ACCSL: variants seen among roughly 807,000 people sequenced by gnomAD.
ACCSL encodes 1-aminocyclopropane-1-carboxylate synthase homolog (inactive) like.
ACCSL carries 55 observed loss-of-function variants against 61.7 expected under a neutral mutation model. The ratio of observed to expected loss-of-function variants is 0.89; its 90% confidence interval spans 0.72 to 1.12. The LOEUF (loss-of-function observed/expected upper bound fraction) is 1.12. ACCSL is among the 50% of genes most tolerant of loss of function. The probability of loss-of-function intolerance (pLI) is 0.00; values close to 1 mark genes in which losing one functional copy is unlikely to be tolerated. For missense variants in ACCSL, 632 were observed against 698.0 expected, an observed-to-expected ratio of 0.91 and a Z score of 1.07; for synonymous variants, 258 against 264.3, an observed-to-expected ratio of 0.98 and a Z score of 0.23.
In ACCSL at chr11:44,048,289, G is replaced by C; in HGVS notation, c.253G>C (p.Gly85Arg). 6.2e-7 allele frequency: 1 copy of C among 1,614,100 alleles called. No individual in the cohort carries two copies. The highest frequency in any genetic ancestry group is 1.6e-4 in the Middle Eastern group (1 of 6,062). ...ICRMINLLQS[G>R]AASGLELQVP... The stretch of plus-strand genomic sequence containing the variant: ...CCGGATGATCAACCTCCTACAGTCT[G>C]GGGCCGCGAGTGGCCTGGAGCTCCA... The change falls in exon 1 of 14, where the codon GGG (glycine) becomes CGG (arginine). Residue 85 changes from glycine (G) to arginine (R), a missense_variant. By Grantham distance (125) the Gly-to-Arg change is moderately radical. Transcript: ENST00000378832.
At chr11:43,974,006 A>G in the ACCSL span, 1 of 152,268 alleles carries the variant, frequency 6.6e-6, no homozygotes, top group Admixed American at 6.5e-5. Context: ...TGATAGACAG[A>G]GAGCAAAGGC....
chr11:43,932,414 C>G, the ACCSL span, among the ~76,000 whole-genome samples: 1 of 152,170 alleles, frequency 6.6e-6, no homozygotes, highest in African/African-American at 2.4e-5. Context: ...ACCACAGATG[C>G]GCACCAACAT....
chr11:43,942,813 C>T, the ACCSL span: 18 of 948,748 alleles, frequency 1.9e-5, no homozygotes, highest in Non-Finnish European at 2.2e-5. Flanking sequence ...GGCGAGCCCC[C>T]GGCTGCTGCC....
At chr11:44,018,938 A>G in the ACCSL span, among the ~76,000 whole-genome samples, 7 of 152,236 alleles carry the variant, frequency 4.6e-5, no homozygotes, top group Non-Finnish European at 5.9e-5. Context: ...AAGAAATTTG[A>G]TACCCATTAA....
chr11:43,999,800 A>G, the ACCSL span, among the ~76,000 whole-genome samples: 1 of 152,198 alleles, frequency 6.6e-6, no homozygotes, highest in African/African-American at 2.4e-5. Flanking sequence ...TGTAGTAGGT[A>G]TAATCTGCTC....
chr11:43,933,129 T>C, the ACCSL span: 1 of 456,154 alleles, frequency 2.2e-6, no homozygotes, highest in Admixed American at 2.3e-5. Context: ...GACTTATACT[T>C]TAACCTTGGA....
the ACCSL span, among the ~76,000 whole-genome samples, chr11:43,986,487 C>T: frequency 2.6e-5 from 4 of 152,174 alleles, no homozygotes; most frequent in Non-Finnish European, 5.9e-5. Flanking sequence ...ACAGACCTCT[C>T]CCGGGGCCTC....
chr11:44,027,435 A>G, the ACCSL span, among the ~76,000 whole-genome samples: 1 of 152,032 alleles, frequency 6.6e-6, no homozygotes, highest in South Asian at 2.1e-4. Flanking sequence ...GCTTTCTTAT[A>G]TGTAAAGTAA....
the ACCSL span, among the ~76,000 whole-genome samples, chr11:44,001,724 C>T: frequency 6.8e-6 from 1 of 147,418 alleles, no homozygotes; most frequent in Non-Finnish European, 1.5e-5. Flanking sequence ...CCAGCCTTTG[C>T]CTGGGGTTCA....
the ACCSL span, among the ~76,000 whole-genome samples, chr11:44,040,092 C>T: frequency 1.3e-5 from 2 of 152,244 alleles, no homozygotes; most frequent in Non-Finnish European, 2.9e-5. Flanking sequence ...TCTCCTGGGT[C>T]TCCTTCCTGA....
chr11:43,939,979 T>G, the ACCSL span, among the ~76,000 whole-genome samples: 1 of 152,126 alleles, frequency 6.6e-6, no homozygotes, highest in East Asian at 1.9e-4. Flanking sequence ...CAGTTCTGTC[T>G]TCAGGGAAAT....
chr11:44,029,748 C>G, the ACCSL span, among the ~76,000 whole-genome samples: 1 of 152,228 alleles, frequency 6.6e-6, no homozygotes, highest in South Asian at 2.1e-4. Context: ...TGCTTACATC[C>G]TTGCCTGATT....
At chr11:43,979,582 GTC>G in the ACCSL span, among the ~76,000 whole-genome samples, 4 of 152,116 alleles carry the variant, frequency 2.6e-5, no homozygotes, top group African/African-American at 9.7e-5. Flanking sequence ...TGAATAGTAA[GTC>G]TCTGTCGTGG....
the ACCSL span, among the ~76,000 whole-genome samples, chr11:43,982,585 GC>G: frequency 1.3e-5 from 2 of 151,966 alleles, no homozygotes; most frequent in East Asian, 3.9e-4. Flanking sequence ...TGTGTGAACC[GC>G]CCGCATGGGG....
At chr11:44,054,937 C>A (rs182915578) in intron 8 of ACCSL, among the ~76,000 whole-genome samples, 5 of 152,196 alleles carry the variant, frequency 3.3e-5, no homozygotes, top group Non-Finnish European at 5.9e-5. Flanking sequence ...ACAAGATGTT[C>A]TCATATGTGT....
chr11:43,985,814 A>T, the ACCSL span, among the ~76,000 whole-genome samples: 1 of 152,094 alleles, frequency 6.6e-6, no homozygotes, highest in South Asian at 2.1e-4. Context: ...GGGCCGGCGG[A>T]TCACCTGAGG....
the ACCSL span, among the ~76,000 whole-genome samples, chr11:43,953,853 T>G: frequency 6.6e-6 from 1 of 152,188 alleles, no homozygotes; most frequent in Non-Finnish European, 1.5e-5. Flanking sequence ...CTGCCTATGG[T>G]GTAGCCGTTC....
the ACCSL span, among the ~76,000 whole-genome samples, chr11:43,946,125 C>T: frequency 6.6e-6 from 1 of 152,166 alleles, no homozygotes; most frequent in South Asian, 2.1e-4. Context: ...CTCACTCTGT[C>T]ACCCAGGCTG....
At chr11:43,956,072 T>A in the ACCSL span, among the ~76,000 whole-genome samples, 4 of 146,532 alleles carry the variant, frequency 2.7e-5, no homozygotes, top group African/African-American at 1.0e-4. Context: ...TGCAGCCACA[T>A]GATGAAAGAA....
Sources: gnomAD v4.1 joint callset for allele counts (sites outside exome capture counted in the v4.1 genomes callset) on GRCh38, gnomAD v4.1.1 for gene constraint, MANE v1.5 for transcripts, NCBI Gene and HGNC (gene_info 2026-07-23, HGNC 2026-07-21) for gene names.